The following MCF2L2 variants were observed in gnomAD, a reference collection of about 807,000 sequenced individuals.
The protein encoded by MCF2L2 is probable guanine nucleotide exchange factor MCF2L2.
A neutral mutation model predicts 150.2 loss-of-function variants in MCF2L2; 102 were observed. The ratio of observed to expected loss-of-function variants is 0.68; its 90% confidence interval spans 0.58 to 0.80. The LOEUF (loss-of-function observed/expected upper bound fraction) is 0.80. Ranked by LOEUF, MCF2L2 falls within the 30% of genes least tolerant of loss-of-function variation. The probability of loss-of-function intolerance (pLI) is 0.00; values close to 1 mark genes in which losing one functional copy is unlikely to be tolerated. For missense variants in MCF2L2, 1,256 were observed against 1,372.8 expected (o/e 0.91, Z 1.34); for synonymous variants, 465 against 491.3 (o/e 0.95, Z 0.71).
intron 7 of MCF2L2, among the ~76,000 whole-genome samples, chr3:183,316,658 T>C (rs2108514467): frequency 6.6e-6 from 1 of 151,600 alleles, no homozygotes; most frequent in African/African-American, 2.4e-5. Flanking sequence ...TCCAGATATT[T>C]TGATTACTGA....
intron 15 of MCF2L2, among the ~76,000 whole-genome samples, chr3:183,275,591 T>G (rs1186586593): frequency 6.6e-6 from 1 of 152,236 alleles, no homozygotes; most frequent in Non-Finnish European, 1.5e-5. Context: ...GATTTGGCAG[T>G]CTGCCATACG....
intron 18 of MCF2L2, chr3:183,224,584 GT>G (rs1723276284): frequency 6.4e-6 from 1 of 157,384 alleles, no homozygotes; most frequent in African/African-American, 2.4e-5. Flanking sequence ...GTGTTTGATG[GT>G]CCCCCTCTCT....
At chr3:183,396,333 G>GA (rs1714455264) in intron 1 of MCF2L2, among the ~76,000 whole-genome samples, 1 of 152,088 alleles carries the variant, frequency 6.6e-6, no homozygotes, top group Non-Finnish European at 1.5e-5. Context: ...TTAGATAAGA[G>GA]AAAAAATAAA....
chr3:183,348,593 A>C (rs957322118), intron 3 of MCF2L2, among the ~76,000 whole-genome samples: 1 of 152,086 alleles, frequency 6.6e-6, no homozygotes, highest in African/African-American at 2.4e-5. Context: ...TTAAAAAGGC[A>C]AGTAGAGACG....
intron 15 of MCF2L2, among the ~76,000 whole-genome samples, chr3:183,275,830 G>C (rs1054567038): frequency 2.0e-5 from 3 of 152,088 alleles, no homozygotes; most frequent in African/African-American, 7.2e-5. Flanking sequence ...TGCTCAGGCT[G>C]GTCTTCAACT....
At chr3:183,211,047 C>T (rs572091342) in intron 22 of MCF2L2, among the ~76,000 whole-genome samples, 3 of 151,558 alleles carry the variant, frequency 2.0e-5, no homozygotes, top group African/African-American at 7.3e-5. Context: ...GTGGAATAAA[C>T]GAGAAGGAAA....
chr3:183,289,349 G>A (rs757785453), intron 13 of MCF2L2, 129 bp from the exon 14 acceptor site: 12 of 628,212 alleles, frequency 1.9e-5, no homozygotes, highest in East Asian at 8.3e-5. Context: ...GAGCTGCTGC[G>A]TTGATTTCCT....
At position 183,181,198 on chromosome 3, in the gene MCF2L2, TG is replaced by T. The variant is rs1721506853; in HGVS notation, c.3017-1040del. Among the ~76,000 whole-genome samples the T allele has an allele frequency of 6.6e-6, 1 of 152,030 alleles. No homozygotes were observed. The highest frequency in any genetic ancestry group is 1.5e-5 in the Non-Finnish European group (1 of 67,992). ...GGCAGTGGAGGGAGCTGCAGTTATC[TG>T]GGTGAGCAGGCAGCACAAGTAGCGT... On this transcript the variant is annotated intron_variant, in intron 27 of 29. Transcript: ENST00000328913. This position sits in a 1 kb window ranked among gnomAD's most constrained non-coding sequence, Gnocchi z 4.3.
intron 1 of MCF2L2, among the ~76,000 whole-genome samples, chr3:183,423,685 C>T (rs1282062291): frequency 3.0e-5 from 4 of 133,154 alleles, no homozygotes; most frequent in African/African-American, 5.8e-5. Context: ...GTCACCCAGG[C>T]TGGAGTGCAA....
At chr3:183,319,238 G>A (rs191253218) in intron 6 of MCF2L2, among the ~76,000 whole-genome samples, 39 of 152,246 alleles carry the variant, frequency 2.6e-4, no homozygotes, top group Admixed American at 1.4e-3. Context: ...TTGCTCATCC[G>A]TAAAAAACTG....
At chr3:183,206,249 A>T in intron 23 of MCF2L2, 35 bp from the exon 24 acceptor site, 1 of 1,459,342 alleles carries the variant, frequency 6.9e-7, no homozygotes, top group South Asian at 1.1e-5. Context: ...GTTCTATACC[A>T]TCGTTTTCTG....
rs1425476581 is a variant in MCF2L2, at chr3:183,228,338, C to T, written c.2074G>A (p.Ala692Thr). 1.9e-6 allele frequency: 3 copies of T among 1,613,336 alleles called. No homozygotes were observed. Among genetic ancestry groups the T allele is most frequent in the Admixed American group, 1.7e-5 (1 of 60,016 alleles). The stretch of plus-strand genomic sequence containing the variant: ...TGTGCCAGAAGTTCAGGGTTCTCAG[C>T]ACACTTTTCCAACTCTTTTAGAAAA... ...RTFLKELEKC[A>T]ENPELLAHCF... The change falls in exon 18 of 30, where the codon GCT (alanine) becomes ACT (threonine). Residue 692 changes from alanine to threonine, a missense_variant. Transcript: ENST00000328913.
intron 4 of MCF2L2, among the ~76,000 whole-genome samples, chr3:183,339,573 C>T (rs993834521): frequency 1.3e-5 from 2 of 152,026 alleles, no homozygotes; most frequent in African/African-American, 2.4e-5. Flanking sequence ...TCAAAGAGTT[C>T]GTATTTTAAG....
chr3:183,216,560 A>ATATATAT (rs1447678769), intron 21 of MCF2L2, among the ~76,000 whole-genome samples: 1 of 3,484 alleles, frequency 2.9e-4, no homozygotes, highest in African/African-American at 9.4e-4. Flanking sequence ...TATTATATAT[A>ATATATAT]TATATATATA....
intron 5 of MCF2L2, among the ~76,000 whole-genome samples, chr3:183,331,080 C>T (rs1319049725): frequency 1.3e-5 from 2 of 152,152 alleles, no homozygotes; most frequent in African/African-American, 4.8e-5. Context: ...AATCCCCAAC[C>T]ACCACCTTAT....
At chr3:183,218,540 C>T (rs1723029126) in intron 21 of MCF2L2, among the ~76,000 whole-genome samples, 1 of 152,096 alleles carries the variant, frequency 6.6e-6, no homozygotes, top group South Asian at 2.1e-4. Context: ...GAGGCTGAGG[C>T]AGGATAATAG....
intron 14 of MCF2L2, among the ~76,000 whole-genome samples, chr3:183,288,429 G>T (rs866878765): frequency 6.6e-6 from 1 of 151,024 alleles, no homozygotes; most frequent in East Asian, 1.9e-4. Context: ...AGTTATTCAC[G>T]CACTTGTGTG....
At chr3:183,280,845 C>CAAAAAAAA (rs201596744) in intron 14 of MCF2L2, among the ~76,000 whole-genome samples, 1 of 69,422 alleles carries the variant, frequency 1.4e-5, no homozygotes, top group Admixed American at 1.7e-4. Context: ...GAGTCTCTGT[C>CAAAAAAAA]AAAAAAAAAA....
intron 27 of MCF2L2, among the ~76,000 whole-genome samples, chr3:183,191,612 G>A (rs1276686013): frequency 1.3e-5 from 2 of 152,244 alleles, no homozygotes; most frequent in African/African-American, 2.4e-5. Flanking sequence ...TTTGAGATGC[G>A]ACAGCAAAAT....
Sources: gnomAD v4.1 joint callset for allele counts (sites outside exome capture counted in the v4.1 genomes callset) on GRCh38, gnomAD v4.1.1 for gene constraint, Gnocchi (gnomAD v3.1) non-coding constraint, MANE v1.5 for transcripts, NCBI Gene and HGNC (gene_info 2026-07-23, HGNC 2026-07-21) for gene names.